The following RBFOX1 variants were observed in gnomAD, a reference collection of about 807,000 sequenced individuals.
RBFOX1 encodes the protein RNA binding protein fox-1 homolog 1.
Under a neutral mutation model 57.7 loss-of-function variants are expected in RBFOX1, and 8 were observed. That is an observed-to-expected ratio of 0.14 (90% CI 0.08 to 0.25). The LOEUF is 0.25. Among genes scored for constraint, RBFOX1 ranks in the 10% least tolerant of loss-of-function variants. RBFOX1 has a pLI of 1.00. For synonymous variants in RBFOX1, 326 were observed against 222.4 expected (o/e 1.47, Z -4.15); for missense variants, 611 against 548.5 (o/e 1.11, Z -1.14).
chr16:7,466,520 C>T (rs934878375), intron 4 of RBFOX1, among the ~76,000 whole-genome samples: 2 of 152,160 alleles, frequency 1.3e-5, no homozygotes, highest in Admixed American at 6.5e-5. Flanking sequence ...GTGAAGTTTG[C>T]TTCAACTCCA....
Position 7,595,581 on chromosome 16 carries a change from C to T in RBFOX1, c.501C>T (p.Ala167=), listed in dbSNP as rs1351120730. 10 of 1,559,792 alleles carry T rather than the reference C, an allele frequency of 6.4e-6. No individual in the cohort carries two copies. Among genetic ancestry groups the T allele is most frequent in the Middle Eastern group, 1.7e-4 (1 of 5,910 alleles). ...GFGFVTFENS[A]DADRAREKLH... is the part of the protein sequence containing the mutation. ...GTTTCGTAACTTTCGAAAATAGTGCCGATGCGGACAGGGCGAGGGAGAAAT... is the reference window on the plus strand; with the variant it reads ...GTTTCGTAACTTTCGAAAATAGTGCTGATGCGGACAGGGCGAGGGAGAAAT... Residue 167 remains alanine, a synonymous_variant, in exon 8 of 16, where the codon GCC becomes GCT. Coordinates refer to ENST00000550418, the MANE Select transcript of RBFOX1 (RefSeq NM_018723.4).
intron 4 of RBFOX1, among the ~76,000 whole-genome samples, chr16:7,145,346 A>G (rs1460159212): frequency 1.3e-5 from 2 of 152,140 alleles, no homozygotes; most frequent in Non-Finnish European, 2.9e-5. Flanking sequence ...CTGGGATTGC[A>G]GGCATGCACC....
chr16:6,780,574 A>ATATATATT, intron 3 of RBFOX1, among the ~76,000 whole-genome samples: 1 of 131,878 alleles, frequency 7.6e-6, no homozygotes, highest in South Asian at 2.4e-4. Flanking sequence ...ATATATATTT[A>ATATATATT]TATATATATT....
intron 4 of RBFOX1, among the ~76,000 whole-genome samples, chr16:7,227,911 T>C (rs992486759): frequency 6.6e-6 from 1 of 152,214 alleles, no homozygotes; most frequent in Non-Finnish European, 1.5e-5. Context: ...CTTTCCCTTC[T>C]AGCAGGATTT....
chr16:7,211,783 T>G (rs1255778372), intron 4 of RBFOX1, among the ~76,000 whole-genome samples: 1 of 152,166 alleles, frequency 6.6e-6, no homozygotes, highest in Non-Finnish European at 1.5e-5. Context: ...GCCCCCTGTC[T>G]CTAGGTTGCT....
At chr16:7,358,416 T>TTTTTTGA (rs2097258400) in intron 4 of RBFOX1, among the ~76,000 whole-genome samples, 1 of 152,100 alleles carries the variant, frequency 6.6e-6, no homozygotes, top group African/African-American at 2.4e-5. Flanking sequence ...GTGTTTTTTG[T>TTTTTTGA]TTTTTGTTTT....
chr16:7,459,868 C>G (rs911129973), intron 4 of RBFOX1, among the ~76,000 whole-genome samples: 5 of 152,094 alleles, frequency 3.3e-5, no homozygotes, highest in African/African-American at 1.2e-4. Context: ...ACCCTACCCA[C>G]TTGGTAAAAG....
At chr16:7,089,406 T>G (rs1245273155) in intron 4 of RBFOX1, among the ~76,000 whole-genome samples, 2 of 144,444 alleles carry the variant, frequency 1.4e-5, no homozygotes, top group African/African-American at 5.6e-5. Flanking sequence ...TTTTTAAGCA[T>G]TAAAAAAAAG....
intron 2 of RBFOX1, among the ~76,000 whole-genome samples, chr16:6,366,243 A>G (rs779626479): frequency 1.2e-4 from 18 of 152,068 alleles, no homozygotes; most frequent in Non-Finnish European, 1.9e-4. Flanking sequence ...CTTGATATGT[A>G]TATCTGGAAG....
chr16:6,183,052 T>C (rs775079423), intron 1 of RBFOX1, among the ~76,000 whole-genome samples: 46 of 152,218 alleles, frequency 3.0e-4, no homozygotes, highest in Non-Finnish European at 5.6e-4. Context: ...CAGGCAGTCT[T>C]TTAGAAACTA....
chr16:7,213,951 A>T (rs2091597057), intron 4 of RBFOX1, among the ~76,000 whole-genome samples: 1 of 152,074 alleles, frequency 6.6e-6, no homozygotes, highest in East Asian at 1.9e-4. Context: ...GAACTAAAAT[A>T]TTCCATTTGC....
At chr16:7,071,944 TCTC>T (rs1211820605) in intron 4 of RBFOX1, among the ~76,000 whole-genome samples, 2 of 152,076 alleles carry the variant, frequency 1.3e-5, no homozygotes, top group African/African-American at 2.4e-5. Context: ...AGCTCTACCT[TCTC>T]CTTTAGATTT....
intron 3 of RBFOX1, among the ~76,000 whole-genome samples, chr16:6,724,294 C>A (rs1446272042): frequency 6.7e-6 from 1 of 150,278 alleles, no homozygotes; most frequent in Non-Finnish European, 1.5e-5. Flanking sequence ...ACTGTAACCT[C>A]TGCCTCCTGG....
At chr16:5,923,901 C>T (rs1454869664) in intron 4 of RBFOX1, among the ~76,000 whole-genome samples, 1 of 152,130 alleles carries the variant, frequency 6.6e-6, no homozygotes, top group Admixed American at 6.5e-5. Context: ...TAGAGACCTT[C>T]CTGGCTTTCC....
intron 1 of RBFOX1, among the ~76,000 whole-genome samples, chr16:5,374,121 A>G (rs1596720092): frequency 6.6e-6 from 1 of 152,190 alleles, no homozygotes; most frequent in Admixed American, 6.5e-5. Context: ...TGTTTTTAGT[A>G]GAGACAGGGT....
chr16:6,486,193 CTTTTG>C (rs924078501), intron 2 of RBFOX1, among the ~76,000 whole-genome samples: 7 of 139,422 alleles, frequency 5.0e-5, no homozygotes, highest in African/African-American at 1.6e-4. Flanking sequence ...GTGTATATGA[CTTTTG>C]TTTTGAGAAT....
chr16:6,492,672 G>T (rs1400625049), intron 2 of RBFOX1, among the ~76,000 whole-genome samples: 1 of 152,122 alleles, frequency 6.6e-6, no homozygotes, highest in Admixed American at 6.5e-5. Context: ...TGAAGATGCA[G>T]CTTGGTTCAC....
At chr16:6,990,778 G>A (rs11864262) in intron 3 of RBFOX1, among the ~76,000 whole-genome samples, 8 of 151,966 alleles carry the variant, frequency 5.3e-5, no homozygotes, top group Non-Finnish European at 1.0e-4. Context: ...AGGATAGTTC[G>A]AGCCCAAACT....
intron 3 of RBFOX1, among the ~76,000 whole-genome samples, chr16:6,987,998 C>T (rs979557717): frequency 2.6e-5 from 4 of 152,062 alleles, no homozygotes; most frequent in East Asian, 1.9e-4. Context: ...ATATAGTCGT[C>T]ATCATGGTTA....
Sources: allele counts gnomAD v4.1 joint callset (sites outside exome capture counted in the v4.1 genomes callset), GRCh38; gene constraint gnomAD v4.1.1; transcripts MANE v1.5; gene names NCBI Gene and HGNC (gene_info 2026-07-23, HGNC 2026-07-21).